SLCO2A1: variants seen among roughly 807,000 people sequenced by gnomAD.
SLCO2A1 encodes matrin F/G 1.
A neutral mutation model predicts 71.7 loss-of-function variants in SLCO2A1; 60 were observed. The observed-to-expected ratio is 0.84, with a 90% CI of 0.68 to 1.04. The LOEUF (loss-of-function observed/expected upper bound fraction) is 1.04. Ranked by LOEUF, SLCO2A1 falls within the 50% of genes least tolerant of loss-of-function variation. The probability of loss-of-function intolerance (pLI) is 0.00; values close to 1 mark genes in which losing one functional copy is unlikely to be tolerated. For synonymous variants in SLCO2A1, 308 were observed against 326.7 expected, an observed-to-expected ratio of 0.94 and a Z score of 0.62; for missense variants, 745 against 813.4, an observed-to-expected ratio of 0.92 and a Z score of 1.02.
At chr3:133,963,569 G>A (rs1490403878) in intron 3 of SLCO2A1, among the ~76,000 whole-genome samples, 1 of 152,246 alleles carries the variant, frequency 6.6e-6, no homozygotes, top group Non-Finnish European at 1.5e-5. Context: ...TCAAGTCATG[G>A]CTCTTAAGAG....
chr3:134,025,873 C>T (rs1935692368), intron 1 of SLCO2A1, among the ~76,000 whole-genome samples: 1 of 152,174 alleles, frequency 6.6e-6, no homozygotes, highest in Non-Finnish European at 1.5e-5. Context: ...AAACGCTCTC[C>T]TAAGCCAGTG....
intron 1 of SLCO2A1, among the ~76,000 whole-genome samples, chr3:133,994,720 C>T (rs1420202734): frequency 1.3e-5 from 2 of 152,256 alleles, no homozygotes; most frequent in African/African-American, 4.8e-5. Context: ...GCATCTTACA[C>T]ATTTCAACTC....
chr3:133,958,845 G>A (rs149384048), intron 3 of SLCO2A1, among the ~76,000 whole-genome samples: 30 of 152,302 alleles, frequency 2.0e-4, no homozygotes, highest in African/African-American at 6.7e-4. Context: ...CAAAGTCTGA[G>A]TTCCCTAAAA....
intron 9 of SLCO2A1, among the ~76,000 whole-genome samples, chr3:133,945,699 T>C (rs11720811): frequency 0.12 from 18,859 of 152,178 alleles, 1,384 homozygotes; most frequent in Non-Finnish European, 0.16. Flanking sequence ...AATGTAGACC[T>C]TGCCCAGAGT....
chr3:133,979,289 A>G (rs928733531), intron 2 of SLCO2A1, among the ~76,000 whole-genome samples, 192 bp downstream of exon 2: 2 of 152,224 alleles, frequency 1.3e-5, no homozygotes, highest in African/African-American at 4.8e-5. Context: ...ACCTGGCACA[A>G]GTCAGGCCTC....
At chr3:133,935,688 C>G (rs1933250684) in intron 13 of SLCO2A1, 86 bp downstream of exon 13, 1 of 1,392,072 alleles carries the variant, frequency 7.2e-7, no homozygotes, top group South Asian at 2.0e-5. Flanking sequence ...GCCTGACAGC[C>G]CCCACAGTAG....
intron 1 of SLCO2A1, among the ~76,000 whole-genome samples, chr3:134,001,564 C>G (rs1399607947): frequency 6.6e-6 from 1 of 152,204 alleles, no homozygotes; most frequent in Non-Finnish European, 1.5e-5. Flanking sequence ...CCTTTCCCCT[C>G]TGTTTGCCTT....
intron 1 of SLCO2A1, 54 bp downstream of exon 1, chr3:134,029,653 C>G: frequency 1.4e-6 from 2 of 1,448,988 alleles, no homozygotes; most frequent in Non-Finnish European, 1.9e-6. Flanking sequence ...GGTGCCCAGC[C>G]GAAGGTGCGC....
At chr3:134,018,866 G>A (rs375314719) in intron 1 of SLCO2A1, among the ~76,000 whole-genome samples, 11 of 150,240 alleles carry the variant, frequency 7.3e-5, no homozygotes, top group African/African-American at 2.7e-4. Context: ...TAAGATTCCT[G>A]TAAGCTAGAG....
chr3:133,973,561 TCTTC>T, intron 3 of SLCO2A1, 98 bp downstream of exon 3: 1 of 1,239,282 alleles, frequency 8.1e-7, no homozygotes, highest in Non-Finnish European at 1.1e-6. Context: ...TCATATGCCC[TCTTC>T]CTGGAGTGGT....
At chr3:133,992,999 C>T (rs920210593) in intron 1 of SLCO2A1, among the ~76,000 whole-genome samples, 3 of 152,222 alleles carry the variant, frequency 2.0e-5, no homozygotes, top group African/African-American at 7.2e-5. Flanking sequence ...AACACTTAAG[C>T]CGTCCACAGA....
At chr3:133,992,907 T>G (rs1934884841) in intron 1 of SLCO2A1, among the ~76,000 whole-genome samples, 1 of 150,904 alleles carries the variant, frequency 6.6e-6, no homozygotes, top group African/African-American at 2.5e-5. Context: ...CAGACAAGAG[T>G]TCAGATGTCA....
At chr3:133,955,598 C>T (rs931434871) in intron 3 of SLCO2A1, among the ~76,000 whole-genome samples, 3 of 152,108 alleles carry the variant, frequency 2.0e-5, no homozygotes, top group African/African-American at 4.8e-5. Context: ...AGCCCAGGCC[C>T]GTCGGCCTCC....
At position 133,948,693 on chromosome 3, in the gene SLCO2A1, T is replaced by C; in HGVS notation, c.948A>G (p.Pro316=). The change falls in exon 8 of 14, where the codon CCA becomes CCG. Residue 316 remains proline (P), a synonymous_variant. Transcript: ENST00000310926. The part of the protein sequence containing the change: ...GSLVDFIKRF[P]CIFLRLLMNS... ...TCATCAGGAGCCTCAGAAAGATGCA[T>C]GGAAACCCTGTGAACAGACCGCTGT... is the stretch of plus-strand genomic sequence containing the variant. The C allele has an allele frequency of 6.2e-7, 1 of 1,613,732 alleles. No individual in the cohort carries two copies. Among genetic ancestry groups the C allele is most frequent in the Non-Finnish European group, 8.5e-7 (1 of 1,179,806 alleles).
chr3:133,975,757 C>CA (rs1325219831), intron 2 of SLCO2A1, among the ~76,000 whole-genome samples: 3 of 152,010 alleles, frequency 2.0e-5, no homozygotes, highest in Non-Finnish European at 4.4e-5. Flanking sequence ...TCTGACTTTA[C>CA]GTCCTCAGGA....
chr3:133,968,905 T>C (rs1296343557), intron 3 of SLCO2A1, among the ~76,000 whole-genome samples: 1 of 152,256 alleles, frequency 6.6e-6, no homozygotes, highest in Non-Finnish European at 1.5e-5. Context: ...TAAATATCCA[T>C]AAATGTCTTC....
At chr3:133,995,509 G>C (rs940267849) in intron 1 of SLCO2A1, among the ~76,000 whole-genome samples, 16 of 152,174 alleles carry the variant, frequency 1.1e-4, no homozygotes, top group African/African-American at 3.9e-4. Flanking sequence ...TTGTGGGTGG[G>C]GGCCATCCCC....
At chr3:133,997,167 C>A (rs1042820943) in intron 1 of SLCO2A1, among the ~76,000 whole-genome samples, 10 of 152,150 alleles carry the variant, frequency 6.6e-5, no homozygotes, top group Admixed American at 6.5e-5. Flanking sequence ...CCCCAGAGTG[C>A]CTCTCACCTC....
At position 133,969,226 on chromosome 3, in the gene SLCO2A1, T is replaced by C. The variant is rs142701883; in HGVS notation, c.397+4437A>G. 2.7e-3 allele frequency among the ~76,000 whole-genome samples: 416 copies of C among 152,146 alleles called. 3 individuals carry two copies. Among genetic ancestry groups the C allele is most frequent in the African/African-American group, 9.4e-3 (392 of 41,504 alleles). On this transcript the variant is annotated intron_variant, in intron 3 of 13. Transcript: ENST00000310926. The stretch of plus-strand genomic sequence containing the variant: ...GTGGGTGGATCACAAGGTCAGGAGT[T>C]CGAGATCAACCTGGCCAACATGGTG...
Sources: allele counts gnomAD v4.1 joint callset (sites outside exome capture counted in the v4.1 genomes callset), GRCh38; gene constraint gnomAD v4.1.1; transcripts MANE v1.5; gene names NCBI Gene and HGNC (gene_info 2026-07-23, HGNC 2026-07-21).